The following CSMD1 variants were observed in gnomAD, a reference collection of about 807,000 sequenced individuals.
CSMD1 encodes CUB and sushi domain-containing protein 1.
A neutral mutation model predicts 417.5 loss-of-function variants in CSMD1; 213 were observed. The observed-to-expected ratio is 0.51, with a 90% confidence interval of 0.46 to 0.57. CSMD1 has a LOEUF of 0.57. Among genes scored for constraint, CSMD1 ranks in the 20% least tolerant of loss-of-function variants. The pLI, the probability that CSMD1 is intolerant of heterozygous loss-of-function variation, is 0.00. For missense variants in CSMD1, 6,923 were observed against 4,529.7 expected, an observed-to-expected ratio of 1.53 and a Z score of -15.17; for synonymous variants, 2,862 against 1,736.8, an observed-to-expected ratio of 1.65 and a Z score of -16.11.
intron 28 of CSMD1, among the ~76,000 whole-genome samples, chr8:3,221,171 C>G (rs940477203): frequency 6.6e-6 from 1 of 152,094 alleles, no homozygotes; most frequent in Non-Finnish European, 1.5e-5. Context: ...AACGTGGTAC[C>G]GCCAGCATCG....
At chr8:3,798,101 T>G (rs1800261258) in intron 5 of CSMD1, among the ~76,000 whole-genome samples, 1 of 152,024 alleles carries the variant, frequency 6.6e-6, no homozygotes, top group African/African-American at 2.4e-5. Flanking sequence ...TTAGTGGGTT[T>G]TTTATTATTT....
chr8:3,307,025 T>C (rs1804914098), intron 25 of CSMD1, among the ~76,000 whole-genome samples: 1 of 124,168 alleles, frequency 8.1e-6, no homozygotes, highest in African/African-American at 2.7e-5. Flanking sequence ...TCAAAGTTAC[T>C]TTGGTATAAT....
chr8:3,443,794 G>C (rs936456186), intron 12 of CSMD1, among the ~76,000 whole-genome samples: 1 of 152,188 alleles, frequency 6.6e-6, no homozygotes, highest in African/African-American at 2.4e-5. Context: ...GACATGAAGT[G>C]TAAACATGAA....
chr8:3,971,528 T>TAA (rs1474889397), intron 5 of CSMD1, among the ~76,000 whole-genome samples: 1 of 152,238 alleles, frequency 6.6e-6, no homozygotes, highest in Non-Finnish European at 1.5e-5. Context: ...GATTAAATTT[T>TAA]AAATATGAAG....
chr8:2,972,381 G>A (rs1804536019), intron 57 of CSMD1, among the ~76,000 whole-genome samples: 1 of 152,130 alleles, frequency 6.6e-6, no homozygotes, highest in Admixed American at 6.5e-5. Context: ...AACCTTTTTA[G>A]ACTGAAAATT....
At chr8:2,975,208 C>T (rs577201183) in intron 55 of CSMD1, among the ~76,000 whole-genome samples, 30 of 152,042 alleles carry the variant, frequency 2.0e-4, no homozygotes, top group Non-Finnish European at 3.7e-4. Context: ...ATAAAATAAT[C>T]TCATTATTTC....
chr8:4,216,498 A>C (rs1266692740), intron 3 of CSMD1, among the ~76,000 whole-genome samples: 3 of 152,232 alleles, frequency 2.0e-5, no homozygotes, highest in Non-Finnish European at 4.4e-5. Context: ...TAATAGAATT[A>C]GTGCTTATTC....
intron 10 of CSMD1, among the ~76,000 whole-genome samples, chr8:3,532,198 T>A (rs1275618183): frequency 6.6e-6 from 1 of 152,190 alleles, no homozygotes; most frequent in Non-Finnish European, 1.5e-5. Flanking sequence ...TCACCCTTAG[T>A]ATGTCCGTGT....
intron 3 of CSMD1, among the ~76,000 whole-genome samples, chr8:4,071,767 A>AT (rs1237571164): frequency 1.3e-5 from 2 of 151,884 alleles, no homozygotes; most frequent in African/African-American, 4.8e-5. Context: ...TTGGGGTTTT[A>AT]TTTTTTATTC....
chr8:3,411,413 G>T (rs145650266), intron 12 of CSMD1, among the ~76,000 whole-genome samples: 1 of 151,742 alleles, frequency 6.6e-6, no homozygotes, highest in Non-Finnish European at 1.5e-5. Context: ...TATATGCTGC[G>T]TTCATTTTGT....
chr8:3,268,601 A>G (rs781356849), intron 26 of CSMD1, among the ~76,000 whole-genome samples: 30 of 152,020 alleles, frequency 2.0e-4, no homozygotes, highest in Middle Eastern at 6.8e-3. Flanking sequence ...GGTTCATTTT[A>G]ATGTTTGTCT....
chr8:4,919,922 C>A (rs367714320), intron 1 of CSMD1, among the ~76,000 whole-genome samples: 1 of 152,158 alleles, frequency 6.6e-6, no homozygotes, highest in East Asian at 1.9e-4. Context: ...AAGCAGAGAA[C>A]AGCCCTCAAC....
chr8:4,850,334 G>A (rs1239472862), intron 1 of CSMD1, among the ~76,000 whole-genome samples: 2 of 147,776 alleles, frequency 1.4e-5, no homozygotes, highest in Admixed American at 6.7e-5. Flanking sequence ...CTGTCTTAAT[G>A]GTCTCTTTGA....
intron 8 of CSMD1, among the ~76,000 whole-genome samples, chr8:3,610,720 C>A (rs1164775753): frequency 6.6e-6 from 1 of 151,918 alleles, no homozygotes; most frequent in East Asian, 1.9e-4. Flanking sequence ...TCTCTTAACT[C>A]CAATTATAAT....
intron 3 of CSMD1, among the ~76,000 whole-genome samples, chr8:4,252,926 GGCA>G (rs1232261282): frequency 6.6e-6 from 1 of 152,188 alleles, no homozygotes; most frequent in Admixed American, 6.5e-5. Context: ...CTGGACCCAT[GGCA>G]GCAGAACACA....
intron 10 of CSMD1, among the ~76,000 whole-genome samples, chr8:3,512,550 G>T (rs909567766): frequency 6.6e-6 from 1 of 151,512 alleles, no homozygotes; most frequent in Non-Finnish European, 1.5e-5. Flanking sequence ...TGAGTCCACA[G>T]CAGCAGGAGA....
At chr8:3,246,738 G>A (rs73185554) in intron 26 of CSMD1, among the ~76,000 whole-genome samples, 13,213 of 152,246 alleles carry the variant, frequency 0.087, 770 homozygotes, top group Non-Finnish European at 0.12. Flanking sequence ...ATCCCAAAGT[G>A]CTGCGATTAC....
intron 50 of CSMD1, among the ~76,000 whole-genome samples, chr8:3,030,767 C>T (rs1229842455): frequency 6.6e-6 from 1 of 152,076 alleles, no homozygotes; most frequent in Non-Finnish European, 1.5e-5. Context: ...TTACAGGAAT[C>T]AGCCACTACA....
chr8:3,890,544 C>T (rs1051924664), intron 5 of CSMD1, among the ~76,000 whole-genome samples: 2 of 152,002 alleles, frequency 1.3e-5, no homozygotes, highest in Non-Finnish European at 1.5e-5. Context: ...AACTCTATCT[C>T]TCAAAGGACA....
Sources: allele counts gnomAD v4.1 joint callset (sites outside exome capture counted in the v4.1 genomes callset), GRCh38; gene constraint gnomAD v4.1.1; transcripts MANE v1.5; gene names NCBI Gene and HGNC (gene_info 2026-07-23, HGNC 2026-07-21).